ABI3BP: variants seen among roughly 807,000 people sequenced by gnomAD.
The protein encoded by ABI3BP is ABI family member 3 binding protein, also known as target of Nesh-SH3.
Under a neutral mutation model 268.6 loss-of-function variants are expected in ABI3BP, and 216 were observed. The ratio of observed to expected loss-of-function variants is 0.80; its 90% CI spans 0.72 to 0.90. ABI3BP has a LOEUF of 0.90. Among genes scored for constraint, ABI3BP ranks in the 40% least tolerant of loss-of-function variants. ABI3BP has a pLI of 0.00. For synonymous variants in ABI3BP, 730 were observed against 730.0 expected (o/e 1.00, Z 0.00); for missense variants, 2,090 against 2,182.4 (o/e 0.96, Z 0.84).
chr3:100,866,282 C>G lies in ABI3BP; in HGVS notation c.988+597G>C, dbSNP rs562562976. On this transcript the variant is annotated intron_variant, in intron 10 of 67. Transcript: ENST00000471714. Reference sequence around the variant, plus strand: ...CTAGCTCAAAGATTAATGCCTCCCCCCTGGACTGGACTTGAGTAGTTCATT... The same window carrying G: ...CTAGCTCAAAGATTAATGCCTCCCCGCTGGACTGGACTTGAGTAGTTCATT... Among the ~76,000 whole-genome samples the G allele has an allele frequency of 8.5e-5, 13 of 152,278 alleles. No individual in the cohort carries two copies. In the East Asian group the frequency reaches 1.2e-3, roughly 14 times the overall value.
rs370055989 is a variant in ABI3BP, at chr3:100,909,604, C to T, written c.260-6918G>A. On this transcript the variant is annotated intron_variant, in intron 2 of 67. Transcript: ENST00000471714. ...ACAAACATCCCCATCAAAAAGTGGGCGAAGGACATGAACAGACACTTCTCA... is the reference window on the plus strand; with the variant it reads ...ACAAACATCCCCATCAAAAAGTGGGTGAAGGACATGAACAGACACTTCTCA... 2.0e-4 allele frequency among the ~76,000 whole-genome samples: 30 copies of T among 152,238 alleles called. No individual in the cohort carries two copies. In the South Asian group the frequency reaches 2.1e-3, roughly 11 times the overall value.
Position 100,750,478 on chromosome 3 carries a change from GT to G in ABI3BP, c.*16del, listed in dbSNP as rs753662395. 6.4e-7 allele frequency: 1 copy of G among 1,573,844 alleles called. No homozygotes were observed. The highest frequency in any genetic ancestry group is 8.7e-7 in the Non-Finnish European group (1 of 1,146,432). On this transcript the variant is annotated 3_prime_UTR_variant, in exon 68 of 68. Coordinates refer to ENST00000471714, the MANE Select transcript of ABI3BP (RefSeq NM_001375547.2). ...TTTGTTTGCAATGATGAAACAGAAG[GT>G]AACTTTGTGCAGCATCTACCATTTT...
intron 1 of ABI3BP, among the ~76,000 whole-genome samples, chr3:100,969,332 C>G (rs2153858940): frequency 6.6e-6 from 1 of 152,312 alleles, no homozygotes; most frequent in South Asian, 2.1e-4. Flanking sequence ...ATGTAGGGCT[C>G]TAGAGCTAGC....
At chr3:100,892,119 A>G (rs569610697) in intron 4 of ABI3BP, among the ~76,000 whole-genome samples, 1 of 152,324 alleles carries the variant, frequency 6.6e-6, no homozygotes, top group African/African-American at 2.4e-5. Context: ...TTCTTGAGAG[A>G]TTCTATGACT....
chr3:100,863,871 C>T, intron 12 of ABI3BP, 131 bp downstream of exon 12: 1 of 688,690 alleles, frequency 1.5e-6, no homozygotes, highest in Non-Finnish European at 2.4e-6. Flanking sequence ...TCTTTGGGAT[C>T]CTAAACTTGA....
chr3:100,945,511 C>T (rs2071698086), intron 1 of ABI3BP: 1 of 326,018 alleles, frequency 3.1e-6, no homozygotes, highest in Admixed American at 4.2e-5. Context: ...TCTCTGTTCC[C>T]ACCCTTAGCT....
intron 1 of ABI3BP, among the ~76,000 whole-genome samples, chr3:100,988,914 C>T (rs1171084928): frequency 1.3e-5 from 2 of 152,186 alleles, no homozygotes; most frequent in African/African-American, 4.8e-5. Flanking sequence ...TACTTAAACA[C>T]TCTGAGGCAC....
At chr3:100,921,413 C>A (rs974113398) in intron 2 of ABI3BP, among the ~76,000 whole-genome samples, 1 of 151,846 alleles carries the variant, frequency 6.6e-6, no homozygotes, top group Non-Finnish European at 1.5e-5. Flanking sequence ...TGAGAAAGTT[C>A]TCAGCTAATG....
At chr3:100,851,810 A>C in intron 15 of ABI3BP, 65 bp downstream of exon 15, 1 of 1,389,896 alleles carries the variant, frequency 7.2e-7, no homozygotes, top group African/African-American at 1.5e-5. Flanking sequence ...GCAAAAACTA[A>C]AGGAAGAACC....
At chr3:100,843,634 T>C in intron 20 of ABI3BP, 1 of 979,714 alleles carries the variant, frequency 1.0e-6, no homozygotes, top group Non-Finnish European at 1.2e-6. Flanking sequence ...TGAGAGAGAG[T>C]GTGTGAGAAA....
In ABI3BP at chr3:100,820,229, T is replaced by C. The variant is rs2098179888; in HGVS notation, c.3022A>G (p.Thr1008Ala). The C allele has an allele frequency of 1.3e-6, 2 of 1,535,930 alleles. No individual in the cohort carries two copies. The highest frequency in any genetic ancestry group is 3.9e-5 in the Admixed American group (2 of 50,958). Residue 1008 changes from threonine to alanine, a missense_variant, in exon 40 of 68, where the codon ACC (threonine) becomes GCC (alanine). Physicochemically the swap from Thr to Ala is moderately conservative, Grantham distance 58 (BLOSUM62 0). Coordinates refer to ENST00000471714, the MANE Select transcript of ABI3BP (RefSeq NM_001375547.2). ...KTTPSPEVPQ[T>A]KLVPSTDLEP... ...AGAAACCCAAATTTACCCAGTTTGG[T>C]TTGAGGAACCTCAGGACTTGGTGTG... is the stretch of plus-strand genomic sequence containing the variant.
chr3:100,772,912 C>A (rs2096590949), intron 61 of ABI3BP, among the ~76,000 whole-genome samples: 1 of 151,702 alleles, frequency 6.6e-6, no homozygotes, highest in South Asian at 2.1e-4. Flanking sequence ...AACCACATCT[C>A]TACTAAAAAT....
At chr3:100,815,704 G>C (rs2098015726) in intron 44 of ABI3BP, among the ~76,000 whole-genome samples, 1 of 152,096 alleles carries the variant, frequency 6.6e-6, no homozygotes, top group Non-Finnish European at 1.5e-5. Flanking sequence ...AGAGTTTCAT[G>C]CTGGACAGCT....
Position 100,937,616 on chromosome 3 carries a change from C to T in ABI3BP, c.80-11135G>A, listed in dbSNP as rs146846466. Among the ~76,000 whole-genome samples, 385 of 152,164 alleles carry T rather than the reference C, an allele frequency of 2.5e-3. 1 individual carries two copies. Among genetic ancestry groups the T allele is most frequent in the African/African-American group, 8.8e-3 (365 of 41,542 alleles). Reference sequence around the variant, plus strand: ...CAGACTCTCCGGATGGAAGGTCATTCAAGCATCTTACAGCACCTGCAGAAT... The same window carrying T: ...CAGACTCTCCGGATGGAAGGTCATTTAAGCATCTTACAGCACCTGCAGAAT... On this transcript the variant is annotated intron_variant, in intron 1 of 67. Transcript: ENST00000471714.
At chr3:100,821,136 A>G in intron 38 of ABI3BP, 23 bp from the exon 39 acceptor site, 1 of 1,528,122 alleles carries the variant, frequency 6.5e-7, no homozygotes, top group Non-Finnish European at 8.8e-7. Flanking sequence ...ATTAAAATTA[A>G]CCAAATGATT....
intron 54 of ABI3BP, 21 bp from the exon 55 acceptor site, chr3:100,792,789 T>C (rs927211702): frequency 6.2e-7 from 1 of 1,600,460 alleles, no homozygotes; most frequent in African/African-American, 1.3e-5. Context: ...CACAGTAAGA[T>C]TGCTTGTTTT....
At chr3:100,958,221 T>C (rs547576739) in intron 1 of ABI3BP, among the ~76,000 whole-genome samples, 4 of 152,292 alleles carry the variant, frequency 2.6e-5, no homozygotes, top group East Asian at 1.9e-4. Flanking sequence ...ATTTACAAAA[T>C]TGTCCAAGTT....
chr3:100,928,949 A>G (rs1318468266), intron 1 of ABI3BP, among the ~76,000 whole-genome samples: 1 of 152,064 alleles, frequency 6.6e-6, no homozygotes, highest in African/African-American at 2.4e-5. Context: ...AAGATGATTT[A>G]TACTTCAGAT....
At chr3:100,759,513 G>T (rs1383613045) in intron 63 of ABI3BP, among the ~76,000 whole-genome samples, 1 of 152,110 alleles carries the variant, frequency 6.6e-6, no homozygotes, top group Non-Finnish European at 1.5e-5. Flanking sequence ...AAACTAGCTG[G>T]CTCTTATGCC....
Sources: allele counts gnomAD v4.1 joint callset (sites outside exome capture counted in the v4.1 genomes callset), GRCh38; gene constraint gnomAD v4.1.1; transcripts MANE v1.5; gene names NCBI Gene and HGNC (gene_info 2026-07-23, HGNC 2026-07-21).